The following GPR26 variants were observed in gnomAD, a reference collection of about 807,000 sequenced individuals.
GPR26 encodes the protein G protein-coupled receptor 26.
A neutral mutation model predicts 23.1 loss-of-function variants in GPR26; 15 were observed. The ratio of observed to expected loss-of-function variants is 0.65; its 90% CI spans 0.43 to 1.00. The LOEUF (loss-of-function observed/expected upper bound fraction) is 1.00, where lower values mean the gene tolerates loss of function less well. Ranked by LOEUF, GPR26 falls within the 50% of genes least tolerant of loss-of-function variation. GPR26 has a pLI of 0.00. For missense variants in GPR26, 359 were observed against 470.5 expected (o/e 0.76, Z 2.19); for synonymous variants, 228 against 222.1 (o/e 1.03, Z -0.24).
At chr10:123,677,038 G>A (rs1168482871) in intron 2 of GPR26, among the ~76,000 whole-genome samples, 1 of 152,224 alleles carries the variant, frequency 6.6e-6, no homozygotes, top group Non-Finnish European at 1.5e-5. Context: ...GGCACACAGA[G>A]TGCCTCCTCT....
intron 2 of GPR26, among the ~76,000 whole-genome samples, chr10:123,683,350 T>G (rs1480246358): frequency 6.6e-6 from 1 of 152,250 alleles, no homozygotes; most frequent in Non-Finnish European, 1.5e-5. Flanking sequence ...AGAGTGATAC[T>G]GGGGTCCTGA....
chr10:123,697,366 G>C lies in GPR26; in HGVS notation c.*9206G>C, dbSNP rs1845556643. ...TTAATACAGGGAAAAAGTATATATT[G>C]TGATTCTGTCCAATAAAGCCTCCTG... On this transcript the variant is annotated 3_prime_UTR_variant, in exon 3 of 3. Coordinates refer to ENST00000284674, the MANE Select transcript of GPR26 (RefSeq NM_153442.4). Among the ~76,000 whole-genome samples the C allele has an allele frequency of 6.6e-6, 1 of 152,172 alleles. No homozygotes were observed. Among genetic ancestry groups the C allele is most frequent in the Admixed American group, 6.5e-5 (1 of 15,280 alleles).
chr10:123,676,471 C>T (rs953219625), intron 2 of GPR26, among the ~76,000 whole-genome samples: 3 of 152,158 alleles, frequency 2.0e-5, no homozygotes, highest in Admixed American at 6.5e-5. Flanking sequence ...CAGGGGATGC[C>T]AGTAGCACCT....
intron 2 of GPR26, among the ~76,000 whole-genome samples, chr10:123,681,717 G>T (rs73379645): frequency 0.043 from 6,496 of 152,328 alleles, 474 homozygotes; most frequent in African/African-American, 0.15. Context: ...AACTTTCTCA[G>T]ATAGGAAAGC....
intron 2 of GPR26, among the ~76,000 whole-genome samples, chr10:123,686,325 C>T (rs1845430002): frequency 6.6e-6 from 1 of 152,130 alleles, no homozygotes; most frequent in Non-Finnish European, 1.5e-5. Flanking sequence ...TTTTTTGTCC[C>T]TTTGAATTCA....
chr10:123,667,335 GTTGGGCTTC>G (rs950402861), intron 1 of GPR26, among the ~76,000 whole-genome samples: 2 of 152,206 alleles, frequency 1.3e-5, no homozygotes, highest in Admixed American at 6.5e-5. Flanking sequence ...TCAGAACTCT[GTTGGGCTTC>G]TTCATGCACA....
In GPR26 at chr10:123,674,228, G is replaced by A. The variant is rs1274079674; in HGVS notation, c.669-590G>A. 6.6e-6 allele frequency among the ~76,000 whole-genome samples: 1 copy of A among 152,110 alleles called. No individual in the cohort carries two copies. The highest frequency in any genetic ancestry group is 6.6e-5 in the Admixed American group (1 of 15,266). ...CCACTTCGGCCTCCCAAAGTGCTGG[G>A]ATTACAGGTGTGAGCCACTGTGCCA... On this transcript the variant is annotated intron_variant, in intron 1 of 2. Coordinates refer to ENST00000284674, the MANE Select transcript of GPR26 (RefSeq NM_153442.4). This position sits in a 1 kb window ranked among gnomAD's most constrained non-coding sequence, Gnocchi z 4.1.
At chr10:123,673,246 C>G (rs1308157262) in intron 1 of GPR26, among the ~76,000 whole-genome samples, 1 of 152,174 alleles carries the variant, frequency 6.6e-6, no homozygotes, top group Admixed American at 6.5e-5. Context: ...GTGAAATTGT[C>G]CATCTGTGAT....
intron 2 of GPR26, among the ~76,000 whole-genome samples, chr10:123,680,902 C>T (rs920927254): frequency 3.4e-5 from 5 of 146,268 alleles, no homozygotes; most frequent in African/African-American, 7.6e-5. Context: ...TGCAATAGTG[C>T]GATCTCAGCT....
At chr10:123,687,901 C>G (rs906340006) in intron 2 of GPR26, 28 bp from the exon 3 acceptor site, 6 of 1,488,508 alleles carry the variant, frequency 4.0e-6, no homozygotes, top group Non-Finnish European at 2.8e-6. Flanking sequence ...GCTATGTCCT[C>G]ATTAACAGCT....
At chr10:123,685,029 G>A (rs1336864678) in intron 2 of GPR26, among the ~76,000 whole-genome samples, 1 of 152,150 alleles carries the variant, frequency 6.6e-6, no homozygotes, top group Non-Finnish European at 1.5e-5. Context: ...TGCCTCCCAC[G>A]TCCCGTCCTG....
Position 123,691,431 on chromosome 10 carries a change from TAAG to T in GPR26, c.*3274_*3276del, listed in dbSNP as rs1056789488. ...TTCTTTTTCATGGTGCCTTTCTTTC[TAAG>T]AAAAGATAGAAAGAATGGGGCCAGG... is the stretch of plus-strand genomic sequence containing the variant. On this transcript the variant is annotated 3_prime_UTR_variant, in exon 3 of 3. Coordinates refer to ENST00000284674, the MANE Select transcript of GPR26 (RefSeq NM_153442.4). The T allele has an allele frequency of 6.6e-6, 1 of 152,182 alleles. No individual in the cohort carries two copies. Among genetic ancestry groups the T allele is most frequent in the African/African-American group, 2.4e-5 (1 of 41,436 alleles). 9.4% of individuals were successfully genotyped at this position (152,182 alleles called of 1,614,324 possible). A position where few individuals can be genotyped will look rare whatever the true frequency, so the allele number is the denominator to read the frequency against.
In GPR26 at chr10:123,690,971, G is replaced by C. The variant is rs530560846; in HGVS notation, c.*2811G>C. On this transcript the variant is annotated 3_prime_UTR_variant, in exon 3 of 3. Transcript: ENST00000284674. Reference sequence around the variant, plus strand: ...TTTAAGGCCCAAACTCTGGTGAACTGTTGGACTGGGTAGAAATCTTTCAAG... The same window carrying C: ...TTTAAGGCCCAAACTCTGGTGAACTCTTGGACTGGGTAGAAATCTTTCAAG... 6.6e-6 allele frequency: 1 copy of C among 152,198 alleles called. No individual in the cohort carries two copies. Among genetic ancestry groups the C allele is most frequent in the African/African-American group, 2.4e-5 (1 of 41,444 alleles). The allele number at this position is 152,198 out of a possible 1,614,324, so 9.4% of individuals were successfully genotyped here.
intron 2 of GPR26, among the ~76,000 whole-genome samples, chr10:123,675,228 GAGA>G (rs758297193): frequency 2.0e-4 from 30 of 151,956 alleles, no homozygotes; most frequent in Non-Finnish European, 4.1e-4. Flanking sequence ...AGGCCCTAAA[GAGA>G]AGGAGAGGGT....
chr10:123,687,722 T>C (rs1187261218), intron 2 of GPR26, among the ~76,000 whole-genome samples: 4 of 152,196 alleles, frequency 2.6e-5, no homozygotes, highest in African/African-American at 9.7e-5. Context: ...CTTAACACAG[T>C]GTGTAGAATA....
intron 1 of GPR26, among the ~76,000 whole-genome samples, chr10:123,668,606 T>C (rs368702641): frequency 3.1e-4 from 47 of 152,360 alleles, no homozygotes; most frequent in African/African-American, 1.1e-3. Context: ...CTCTGCATGG[T>C]TCAGTGTCCT....
chr10:123,680,806 TTTTG>T lies in GPR26; in HGVS notation c.782+5879_782+5882del, dbSNP rs1485583953. On this transcript the variant is annotated intron_variant, in intron 2 of 2. Transcript: ENST00000284674. ...CCTAGTTAACATTCTCTTGGGTTTT[TTTTG>T]TTTTGTTTTGTTTTTTTGGGGGGGG... Among the ~76,000 whole-genome samples, 25 of 73,690 alleles carry T rather than the reference TTTTG, an allele frequency of 3.4e-4. 1 individual carries two copies. The highest frequency in any genetic ancestry group is 1.4e-3 in the East Asian group (2 of 1,456). 48.3% of individuals were successfully genotyped at this position (73,690 alleles called of 152,430 possible).
At chr10:123,687,877 C>T (rs887453411) in intron 2 of GPR26, 52 bp from the exon 3 acceptor site, 3 of 1,320,300 alleles carry the variant, frequency 2.3e-6, no homozygotes, top group Non-Finnish European at 3.3e-6. Flanking sequence ...CATGGCCACT[C>T]CCAGCGGTGC....
intron 1 of GPR26, among the ~76,000 whole-genome samples, chr10:123,672,166 C>G (rs1251082499): frequency 6.6e-6 from 1 of 152,116 alleles, no homozygotes; most frequent in Non-Finnish European, 1.5e-5. Context: ...TGATGTGGCT[C>G]CTGACTAGGA....
Sources: gnomAD v4.1 joint callset for allele counts (sites outside exome capture counted in the v4.1 genomes callset) on GRCh38, gnomAD v4.1.1 for gene constraint, Gnocchi (gnomAD v3.1) non-coding constraint, MANE v1.5 for transcripts, NCBI Gene and HGNC (gene_info 2026-07-23, HGNC 2026-07-21) for gene names.